Variants in UMAD1 observed in about 807,000 individuals in gnomAD.
The protein encoded by UMAD1 is UBAP1-MVB12-associated (UMA)-domain containing protein 1.
A neutral mutation model predicts 6.1 loss-of-function variants in UMAD1; 8 were observed. The ratio of observed to expected loss-of-function variants is 1.30; its 90% CI spans 0.76 to 2.35. UMAD1 has a LOEUF of 2.35. Ranked by LOEUF, UMAD1 falls within the 30% of genes most tolerant of loss-of-function variation. UMAD1 has a pLI of 0.00. For synonymous variants in UMAD1, 56 were observed against 31.4 expected, an observed-to-expected ratio of 1.78 and a Z score of -2.61; for missense variants, 130 against 78.4, an observed-to-expected ratio of 1.66 and a Z score of -2.49.
At chr7:7,709,990 G>T (rs950065345) in intron 2 of UMAD1, among the ~76,000 whole-genome samples, 1 of 151,970 alleles carries the variant, frequency 6.6e-6, no homozygotes, top group African/African-American at 2.4e-5. Flanking sequence ...TTTTTCATAT[G>T]TGTAGTTTTG....
At chr7:7,707,509 A>C (rs1041587657) in intron 2 of UMAD1, among the ~76,000 whole-genome samples, 5 of 152,198 alleles carry the variant, frequency 3.3e-5, no homozygotes, top group African/African-American at 1.2e-4. Flanking sequence ...AAATTGCTTC[A>C]GTGTGATTTT....
intron 3 of UMAD1, among the ~76,000 whole-genome samples, chr7:7,820,389 TC>T (rs1426902637): frequency 1.3e-5 from 2 of 152,230 alleles, no homozygotes; most frequent in Non-Finnish European, 2.9e-5. Context: ...CTTTTTGGTT[TC>T]TACATGCATT....
intron 2 of UMAD1, among the ~76,000 whole-genome samples, chr7:7,683,732 C>T (rs987813535): frequency 6.6e-6 from 1 of 152,066 alleles, no homozygotes; most frequent in Non-Finnish European, 1.5e-5. Flanking sequence ...AAGTGATTCT[C>T]CTGCCTCAGC....
intron 2 of UMAD1, among the ~76,000 whole-genome samples, chr7:7,747,423 G>A (rs1781593207): frequency 6.6e-6 from 1 of 152,094 alleles, no homozygotes; most frequent in Admixed American, 6.5e-5. Flanking sequence ...TTTCCATCTT[G>A]GTTCATGGAT....
chr7:7,722,086 C>T (rs1781060087), intron 2 of UMAD1, among the ~76,000 whole-genome samples: 1 of 151,802 alleles, frequency 6.6e-6, no homozygotes, highest in African/African-American at 2.4e-5. Context: ...GCTCCTCAGC[C>T]TGCAGACGGC....
intron 3 of UMAD1, among the ~76,000 whole-genome samples, chr7:7,848,872 C>T (rs1178319825): frequency 6.6e-6 from 1 of 152,096 alleles, no homozygotes; most frequent in Non-Finnish European, 1.5e-5. Context: ...TTTATTTAAA[C>T]TACTTTCTCA....
At chr7:7,702,371 A>G (rs1780481055) in intron 2 of UMAD1, among the ~76,000 whole-genome samples, 1 of 152,156 alleles carries the variant, frequency 6.6e-6, no homozygotes, top group South Asian at 2.1e-4. Flanking sequence ...TTAATATGAC[A>G]TATTTTATTA....
At chr7:7,716,462 T>G in intron 2 of UMAD1, among the ~76,000 whole-genome samples, 1 of 152,198 alleles carries the variant, frequency 6.6e-6, no homozygotes, top group East Asian at 1.9e-4. Flanking sequence ...CAGACATAGA[T>G]AAGCAAGCTG....
At chr7:7,678,089 T>C (rs1417856561) in intron 2 of UMAD1, among the ~76,000 whole-genome samples, 1 of 152,156 alleles carries the variant, frequency 6.6e-6, no homozygotes, top group Admixed American at 6.6e-5. Flanking sequence ...ATTTCTTCTT[T>C]TGGGTATGTA....
intron 3 of UMAD1, among the ~76,000 whole-genome samples, chr7:7,826,808 A>G (rs114992837): frequency 2.3e-3 from 353 of 152,270 alleles, no homozygotes; most frequent in African/African-American, 7.9e-3. Context: ...TTGCCACCCC[A>G]TCACCATACT....
chr7:7,793,811 A>C (rs953021940), intron 2 of UMAD1, among the ~76,000 whole-genome samples: 4 of 152,244 alleles, frequency 2.6e-5, no homozygotes, highest in Non-Finnish European at 4.4e-5. Flanking sequence ...TCAGATGAAA[A>C]GAATATATTT....
At chr7:7,695,318 A>G (rs936056413) in intron 2 of UMAD1, among the ~76,000 whole-genome samples, 2 of 152,226 alleles carry the variant, frequency 1.3e-5, no homozygotes, top group African/African-American at 2.4e-5. Flanking sequence ...TCTCAAGCCC[A>G]GCCAACTTTA....
chr7:7,708,855 T>C (rs1252532200), intron 2 of UMAD1, among the ~76,000 whole-genome samples: 1 of 152,072 alleles, frequency 6.6e-6, no homozygotes, highest in South Asian at 2.1e-4. Flanking sequence ...TATGTATATA[T>C]ACAAATACAG....
At chr7:7,798,555 CT>C (rs1210799022) in intron 2 of UMAD1, among the ~76,000 whole-genome samples, 1 of 152,144 alleles carries the variant, frequency 6.6e-6, no homozygotes, top group Non-Finnish European at 1.5e-5. Context: ...TCTATGGGGC[CT>C]ATAGAAGCAA....
At chr7:7,760,957 A>G (rs1563184978) in intron 2 of UMAD1, among the ~76,000 whole-genome samples, 1 of 152,210 alleles carries the variant, frequency 6.6e-6, no homozygotes, top group Non-Finnish European at 1.5e-5. Flanking sequence ...ATTGCAAGAT[A>G]CTATGTGAAT....
chr7:7,756,179 A>T (rs1781772115), intron 2 of UMAD1, among the ~76,000 whole-genome samples: 1 of 152,190 alleles, frequency 6.6e-6, no homozygotes, highest in Non-Finnish European at 1.5e-5. Context: ...AAATGAAGAT[A>T]GCCTTTTCTG....
At chr7:7,724,617 T>A (rs1313124706) in intron 2 of UMAD1, among the ~76,000 whole-genome samples, 1 of 152,144 alleles carries the variant, frequency 6.6e-6, no homozygotes, top group Non-Finnish European at 1.5e-5. Context: ...CCCACTCAGC[T>A]CTCCTGTTTG....
intron 3 of UMAD1, among the ~76,000 whole-genome samples, chr7:7,872,753 G>A (rs1254473430): frequency 6.6e-6 from 1 of 152,190 alleles, no homozygotes; most frequent in Non-Finnish European, 1.5e-5. Context: ...AGTGCAGAAT[G>A]TGGGATGTCA....
intron 2 of UMAD1, among the ~76,000 whole-genome samples, chr7:7,785,129 A>T (rs1389085994): frequency 6.6e-6 from 1 of 152,258 alleles, no homozygotes; most frequent in East Asian, 1.9e-4. Flanking sequence ...AAAAGACACC[A>T]ATAAATCAAG....
Sources: gnomAD v4.1 joint callset for allele counts (sites outside exome capture counted in the v4.1 genomes callset) on GRCh38, gnomAD v4.1.1 for gene constraint, MANE v1.5 for transcripts, NCBI Gene and HGNC (gene_info 2026-07-23, HGNC 2026-07-21) for gene names.